ME3: variants seen among roughly 807,000 people sequenced by gnomAD.
ME3 encodes the protein NADP-dependent malic enzyme, mitochondrial.
Under a neutral mutation model 68.9 loss-of-function variants are expected in ME3, and 48 were observed. That is an observed-to-expected ratio of 0.70 (90% confidence interval 0.55 to 0.89). The LOEUF is 0.89. Ranked by LOEUF, ME3 falls within the 40% of genes least tolerant of loss-of-function variation. The pLI is 0.00. For synonymous variants in ME3, 320 were observed against 318.8 expected, an observed-to-expected ratio of 1.00 and a Z score of -0.04; for missense variants, 675 against 797.4, an observed-to-expected ratio of 0.85 and a Z score of 1.85.
intron 2 of ME3, among the ~76,000 whole-genome samples, chr11:86,578,442 A>G (rs952359542): frequency 5.3e-5 from 8 of 152,152 alleles, no homozygotes; most frequent in Admixed American, 1.3e-4. Context: ...GGAGGGTCTC[A>G]GAATAGGCAC....
rs1238276684 is a variant in ME3 at position 86,518,709 on chromosome 11, G to A, written c.468-9842C>T. Among the ~76,000 whole-genome samples, 3 of 152,292 alleles carry A rather than the reference G, an allele frequency of 2.0e-5. No homozygotes were observed. In the South Asian group the frequency reaches 6.2e-4, roughly 32 times the overall value. On this transcript the variant is annotated intron_variant, in intron 4 of 14. Transcript: ENST00000543262. ...AATGGGGTGGTGGAGGTGATCTTCA[G>A]CTCTCCACAAATTCTAATGTCGGGT... is the stretch of plus-strand genomic sequence containing the variant.
exon 12 of ME3, chr11:86,447,164 C>G: frequency 6.2e-7 from 1 of 1,614,160 alleles, no homozygotes; most frequent in Non-Finnish European, 8.5e-7. Context: ...AGGCCATGTC[C>G]CTCAGAATCT....
chr11:86,655,329 G>T (rs530333399), intron 2 of ME3, among the ~76,000 whole-genome samples: 39 of 152,140 alleles, frequency 2.6e-4, no homozygotes, highest in Non-Finnish European at 3.2e-4. Context: ...GAGGCATCAC[G>T]CTACCTGACT....
chr11:86,522,126 T>A (rs546063368), intron 4 of ME3, among the ~76,000 whole-genome samples: 67 of 152,290 alleles, frequency 4.4e-4, no homozygotes, highest in African/African-American at 1.6e-3. Flanking sequence ...GGCACGCACC[T>A]GTAGTCCCAG....
chr11:86,603,928 C>G (rs1476760164), intron 2 of ME3, among the ~76,000 whole-genome samples: 2 of 116,630 alleles, frequency 1.7e-5, no homozygotes, highest in African/African-American at 7.0e-5. Context: ...GGGAAAATCA[C>G]ACTCTGGGGA....
At chr11:86,477,928 G>C (rs190679093) in intron 7 of ME3, among the ~76,000 whole-genome samples, 52 of 152,198 alleles carry the variant, frequency 3.4e-4, no homozygotes, top group African/African-American at 1.2e-3. Context: ...GAGAACATGG[G>C]GGAGCTGGAC....
chr11:86,548,597 A>G (rs890442133), intron 4 of ME3, among the ~76,000 whole-genome samples: 1 of 152,192 alleles, frequency 6.6e-6, no homozygotes, highest in Non-Finnish European at 1.5e-5. Context: ...AATGAAAAGT[A>G]TGTGTTTTCA....
intron 11 of ME3, 123 bp from the exon 12 acceptor site, chr11:86,447,330 C>T: frequency 7.6e-7 from 1 of 1,311,312 alleles, no homozygotes; most frequent in East Asian, 2.4e-5. Context: ...CCAGCATCTG[C>T]CACAAGGACT....
At chr11:86,577,700 A>G (rs535483529) in intron 2 of ME3, among the ~76,000 whole-genome samples, 67 of 152,352 alleles carry the variant, frequency 4.4e-4, no homozygotes, top group African/African-American at 1.6e-3. Flanking sequence ...TATAAAAATA[A>G]AATTCATTAC....
rs192113878 is a variant in ME3, at chr11:86,651,665, G to A, written c.183+20097C>T. Among the ~76,000 whole-genome samples the A allele has an allele frequency of 7.4e-3, 1,130 of 152,306 alleles. 10 individuals are homozygous for A. The highest frequency in any genetic ancestry group is 0.026 in the African/African-American group (1,070 of 41,560). ...GGGGAAAAAACAGAGCAGAAATGCT[G>A]AAAATTCTAAAAATCAGAGCACCTC... On this transcript the variant is annotated intron_variant, in intron 2 of 14. Coordinates refer to ENST00000543262, the Ensembl canonical transcript of ME3.
intron 2 of ME3, among the ~76,000 whole-genome samples, chr11:86,593,147 C>G (rs776573409): frequency 2.6e-5 from 4 of 152,198 alleles, no homozygotes; most frequent in Admixed American, 1.3e-4. Context: ...TTATAGTTCA[C>G]TGTTACCCTG....
chr11:86,460,930 T>G (rs897898651), intron 8 of ME3, among the ~76,000 whole-genome samples: 4 of 152,234 alleles, frequency 2.6e-5, no homozygotes, highest in African/African-American at 9.6e-5. Flanking sequence ...ATCACAGGCT[T>G]CTGGCCTGGA....
chr11:86,547,615 G>T (rs1956444327), intron 4 of ME3, among the ~76,000 whole-genome samples: 1 of 151,792 alleles, frequency 6.6e-6, no homozygotes, highest in Non-Finnish European at 1.5e-5. Context: ...ATGTATCCCA[G>T]AACTTAAAGT....
chr11:86,571,384 A>C (rs921502051), intron 2 of ME3, among the ~76,000 whole-genome samples: 6 of 152,200 alleles, frequency 3.9e-5, no homozygotes, highest in South Asian at 2.1e-4. Context: ...TAGGTGAGCC[A>C]TTCCTATAAC....
At chr11:86,482,874 TG>T (rs1367927001) in intron 7 of ME3, among the ~76,000 whole-genome samples, 1 of 152,122 alleles carries the variant, frequency 6.6e-6, no homozygotes, top group Non-Finnish European at 1.5e-5. Flanking sequence ...GTGTGACCAT[TG>T]GCAAGACCAG....
rs139876690 is a variant in ME3, at chr11:86,661,166, A to G, written c.183+10596T>C. On this transcript the variant is annotated intron_variant, in intron 2 of 14. Coordinates refer to ENST00000543262, the Ensembl canonical transcript of ME3. ...AAACACATGCACATGATGGCGATAC[A>G]TGTGCTAATAAATGTACACTAAGGC... 4.0e-3 allele frequency among the ~76,000 whole-genome samples: 603 copies of G among 152,378 alleles called. 6 individuals carry two copies. The highest frequency in any genetic ancestry group is 0.012 in the African/African-American group (480 of 41,586).
chr11:86,642,365 T>C (rs1944722085), intron 2 of ME3, among the ~76,000 whole-genome samples: 2 of 152,232 alleles, frequency 1.3e-5, no homozygotes, highest in South Asian at 4.1e-4. Flanking sequence ...CATGGGAGGC[T>C]GATCAATGTC....
At chr11:86,532,947 G>A (rs1158078724) in intron 4 of ME3, among the ~76,000 whole-genome samples, 2 of 152,118 alleles carry the variant, frequency 1.3e-5, no homozygotes, top group Non-Finnish European at 2.9e-5. Context: ...GGCTACTCAG[G>A]AGGCTGAGGT....
rs144683913 is a variant in ME3 at position 86,450,043 on chromosome 11, A to G, written c.1018-41T>C. The G allele has an allele frequency of 2.3e-4, 324 of 1,434,890 alleles. 1 individual carries two copies. The East Asian group carries it at 7.3e-3, about 32-fold the overall frequency. The allele number at this position is 1,434,890 out of a possible 1,614,324, so 88.9% of individuals were successfully genotyped here. A position where few individuals can be genotyped will look rare whatever the true frequency, so the allele number is the denominator to read the frequency against. The stretch of plus-strand genomic sequence containing the variant: ...GGGTAGATGTTCAGACACAGGGCAA[A>G]CAGCTGCTGAACATTTATCTGATGT... On this transcript the variant is annotated intron_variant, in intron 9 of 14. Transcript: ENST00000543262.
Sources: allele counts gnomAD v4.1 joint callset (sites outside exome capture counted in the v4.1 genomes callset), GRCh38; gene constraint gnomAD v4.1.1; transcripts MANE v1.5; gene names NCBI Gene and HGNC (gene_info 2026-07-23, HGNC 2026-07-21).